IGDCC3: variants seen among roughly 807,000 people sequenced by gnomAD.
IGDCC3 encodes putative neuronal cell adhesion molecule.
In IGDCC3, 47 loss-of-function variants were observed where a neutral mutation model predicts 72.0. That is an observed-to-expected ratio of 0.65 (90% CI 0.52 to 0.83). IGDCC3 has a LOEUF of 0.83. IGDCC3 is among the 40% of genes least tolerant of loss of function. The pLI is 0.00. For synonymous variants in IGDCC3, 477 were observed against 472.8 expected (o/e 1.01, Z -0.11); for missense variants, 1,038 against 1,091.3 (o/e 0.95, Z 0.69).
intron 2 of IGDCC3, among the ~76,000 whole-genome samples, chr15:65,338,882 G>T (rs1338183575): frequency 6.6e-6 from 1 of 151,922 alleles, no homozygotes; most frequent in Non-Finnish European, 1.5e-5. Flanking sequence ...CACACATCTG[G>T]TTCATAAGCA....
At position 65,328,313 on chromosome 15, in the gene IGDCC3, T is replaced by TC. The variant is rs2090938907; in HGVS notation, c.*595_*596insG. The TC allele has an allele frequency of 7.1e-6, 1 of 140,804 alleles. No homozygotes were observed. Among genetic ancestry groups the TC allele is most frequent in the South Asian group, 2.3e-4 (1 of 4,392 alleles). The allele number at this position is 140,804 out of a possible 1,614,324, so 8.7% of individuals were successfully genotyped here. ...GGAAGTGCTTTTTTTTTTTTTTTTT[T>TC]TTTTACTCTGGACAACAGTGTGGGA... On this transcript the variant is annotated 3_prime_UTR_variant, in exon 14 of 14. Transcript: ENST00000327987.
chr15:65,365,690 C>A (rs2091285333), intron 2 of IGDCC3, among the ~76,000 whole-genome samples: 1 of 152,158 alleles, frequency 6.6e-6, no homozygotes, highest in Non-Finnish European at 1.5e-5. Flanking sequence ...CTGCAGAGGC[C>A]CGAGCTCACC....
intron 3 of IGDCC3, 113 bp from the exon 4 acceptor site, chr15:65,335,534 C>T (rs559802966): frequency 3.3e-5 from 36 of 1,096,150 alleles, no homozygotes; most frequent in Non-Finnish European, 4.5e-5. Flanking sequence ...ACCATCCCAA[C>T]ATCAGCAGAC....
At chr15:65,372,402 A>G (rs1254124843) in intron 2 of IGDCC3, among the ~76,000 whole-genome samples, 2 of 152,194 alleles carry the variant, frequency 1.3e-5, no homozygotes, top group African/African-American at 4.8e-5. Context: ...AGCCTGAGCT[A>G]TTCCATTCTA....
In IGDCC3 at chr15:65,375,291, C is replaced by T. The variant is rs759398176; in HGVS notation, c.215G>A (p.Arg72Gln). 1.2e-6 allele frequency: 2 copies of T among 1,614,136 alleles called. No homozygotes were observed. The highest frequency in any genetic ancestry group is 2.2e-5 in the East Asian group (1 of 44,880). The change falls in exon 2 of 14, where the codon CGA (arginine) becomes CAA (glutamine). Residue 72 changes from arginine (R) to glutamine (Q), a missense_variant. Transcript: ENST00000327987. ...TACCCCATTCTTCCTCCAGGTGATT[C>T]GCACTGGAGGGGTCCCCTCCACCCT... The part of the protein sequence containing the change: ...DCRVEGTPPV[R>Q]ITWRKNGVEL...
chr15:65,377,762 C>G lies in IGDCC3; in HGVS notation c.27G>C (p.Pro9=). ...GCCAGAGCGGGGCGGGCGGGCGGCG[C>G]GGAGACGCGGCGCGCTGCACAGCCA... MAVQRAAS[P]RRPPAPLWPR... is the part of the protein sequence containing the mutation. Residue 9 remains proline (P), a synonymous_variant, in exon 1 of 14, where the codon CCG becomes CCC. Coordinates refer to ENST00000327987, the MANE Select transcript of IGDCC3 (RefSeq NM_004884.4). This position sits in a 1 kb window ranked among gnomAD's most constrained non-coding sequence, Gnocchi z 4.9. The G allele has an allele frequency of 1.5e-6, 2 of 1,303,476 alleles. No individual in the cohort carries two copies. The highest frequency in any genetic ancestry group is 2.2e-5 in the South Asian group (1 of 45,076). The allele number at this position is 1,303,476 out of a possible 1,614,324, so 80.7% of individuals were successfully genotyped here.
At position 65,329,347 on chromosome 15, in the gene IGDCC3, TC is replaced by T. The variant is rs756028247; in HGVS notation, c.2205+42del. The T allele has an allele frequency of 1.7e-5, 26 of 1,554,140 alleles. No individual in the cohort carries two copies. The African/African-American group carries it at 3.2e-4, about 19-fold the overall frequency. ...GGGGCAGGATTGGAAGGTGGCAGTG[TC>T]AGAGCCTGAGGCGGGGGTTTGTTTA... On this transcript the variant is annotated intron_variant, in intron 13 of 13. Transcript: ENST00000327987. The surrounding 1 kb of genome is among the most constrained non-coding windows in gnomAD (Gnocchi z 4.1).
chr15:65,333,950 G>A (rs1361378571), intron 5 of IGDCC3, among the ~76,000 whole-genome samples: 1 of 152,036 alleles, frequency 6.6e-6, no homozygotes, highest in African/African-American at 2.4e-5. Context: ...TGATGGTGCG[G>A]CCACTCTTTC....
chr15:65,370,558 G>GTA (rs1383197323), intron 2 of IGDCC3, among the ~76,000 whole-genome samples: 65 of 127,562 alleles, frequency 5.1e-4, no homozygotes, highest in African/African-American at 1.6e-3. Flanking sequence ...ATGTGTGTGT[G>GTA]TATATATATA....
chr15:65,330,459 A>T, intron 10 of IGDCC3, 62 bp from the exon 11 acceptor site: 1 of 1,575,542 alleles, frequency 6.3e-7, no homozygotes, highest in Admixed American at 1.7e-5. Flanking sequence ...TGTCCTAGCC[A>T]GGAAAGGGAG....
At chr15:65,366,444 G>T (rs1296015713) in intron 2 of IGDCC3, among the ~76,000 whole-genome samples, 2 of 152,138 alleles carry the variant, frequency 1.3e-5, no homozygotes, top group East Asian at 3.9e-4. Flanking sequence ...CTGGAGAAAG[G>T]AAGAAGCTTG....
Position 65,327,533 on chromosome 15 carries a change from T to A in IGDCC3, c.*1376A>T, listed in dbSNP as rs1245595258. ...CTTTTTTCTTTAAAAAAAGTTTTTC[T>A]TCTGCTATTTAAAAAAATGTTTCTG... On this transcript the variant is annotated 3_prime_UTR_variant, in exon 14 of 14. Transcript: ENST00000327987. The A allele has an allele frequency of 1.3e-5, 2 of 152,262 alleles. No homozygotes were observed. Among genetic ancestry groups the A allele is most frequent in the Non-Finnish European group, 2.9e-5 (2 of 68,042 alleles). The allele number at this position is 152,262 out of a possible 1,614,324, so 9.4% of individuals were successfully genotyped here. A position where few individuals can be genotyped will look rare whatever the true frequency, so the allele number is the denominator to read the frequency against.
chr15:65,355,804 G>A, intron 2 of IGDCC3: 1 of 452,620 alleles, frequency 2.2e-6, no homozygotes, highest in South Asian at 1.6e-5. Flanking sequence ...GTCCTCGCAC[G>A]CCAAACGAGG....
chr15:65,335,369 C>A lies in IGDCC3; in HGVS notation c.607G>T (p.Asp203Tyr). 1.2e-6 allele frequency: 2 copies of A among 1,613,868 alleles called. No individual in the cohort carries two copies. Among genetic ancestry groups the A allele is most frequent in the Non-Finnish European group, 1.7e-6 (2 of 1,179,900 alleles). The change falls in exon 4 of 14, where the codon GAC (aspartate) becomes TAC (tyrosine). Residue 203 changes from aspartate (D) to tyrosine (Y), a missense_variant. By Grantham distance (160) the Asp-to-Tyr change is radical. Transcript: ENST00000327987. The stretch of plus-strand genomic sequence containing the variant: ...GCCACACAGTGGAAGATGCCACCGT[C>A]CTCAGCTCGAAGTCCTGTGATCTGC... Reference protein sequence around the residue: ...VLQITGLRAEDGGIFHCVASN... With the variant: ...VLQITGLRAEYGGIFHCVASN...
At chr15:65,338,574 G>C (rs147216480) in intron 2 of IGDCC3, among the ~76,000 whole-genome samples, 1 of 92,448 alleles carries the variant, frequency 1.1e-5, no homozygotes, top group Middle Eastern at 4.3e-3. Context: ...GCACAGGTGT[G>C]GTCCAGGAAG....
chr15:65,333,432 G>C lies in IGDCC3; in HGVS notation c.824-17C>G. 1 of 1,580,696 alleles carries C rather than the reference G, an allele frequency of 6.3e-7. No homozygotes were observed. The highest frequency in any genetic ancestry group is 8.6e-7 in the Non-Finnish European group (1 of 1,163,156). On this transcript the variant is annotated splice_polypyrimidine_tract_variant and intron_variant, in intron 5 of 13. Coordinates refer to ENST00000327987, the MANE Select transcript of IGDCC3 (RefSeq NM_004884.4). The stretch of plus-strand genomic sequence containing the variant: ...GGCGACCATCTGCAGAGGAAGGGGA[G>C]GGGGGATGGGTGAGGGTCAGATAGA...
At chr15:65,346,582 G>A (rs964290291) in intron 2 of IGDCC3, among the ~76,000 whole-genome samples, 5 of 152,014 alleles carry the variant, frequency 3.3e-5, no homozygotes, top group African/African-American at 7.2e-5. Context: ...TCAGCCTCCC[G>A]AGTAGCTGGG....
At chr15:65,347,867 C>T (rs2091138249) in intron 2 of IGDCC3, among the ~76,000 whole-genome samples, 1 of 152,096 alleles carries the variant, frequency 6.6e-6, no homozygotes, top group African/African-American at 2.4e-5. Flanking sequence ...ACCTGGGAGG[C>T]AAAGGTTGCA....
At chr15:65,363,140 G>A (rs776905245) in intron 2 of IGDCC3, among the ~76,000 whole-genome samples, 12 of 152,122 alleles carry the variant, frequency 7.9e-5, no homozygotes, top group East Asian at 1.9e-4. Context: ...GATTACAGGC[G>A]TGAGCCACCA....
Sources: gnomAD v4.1 joint callset for allele counts (sites outside exome capture counted in the v4.1 genomes callset) on GRCh38, gnomAD v4.1.1 for gene constraint, Gnocchi (gnomAD v3.1) non-coding constraint, MANE v1.5 for transcripts, NCBI Gene and HGNC (gene_info 2026-07-23, HGNC 2026-07-21) for gene names.